BAZ2B: variants seen among roughly 807,000 people sequenced by gnomAD.
BAZ2B encodes bromodomain adjacent to zinc finger domain 2B.
A neutral mutation model predicts 246.0 loss-of-function variants in BAZ2B; 91 were observed. That is an observed-to-expected ratio of 0.37 (90% confidence interval 0.31 to 0.44). BAZ2B has a LOEUF of 0.44. BAZ2B is among the 20% of genes least tolerant of loss of function. The pLI is 1.00. For missense variants in BAZ2B, 2,332 were observed against 2,533.7 expected (o/e 0.92, Z 1.71); for synonymous variants, 855 against 860.0 (o/e 0.99, Z 0.10).
At chr2:159,371,325 C>T (rs745927666) in intron 27 of BAZ2B, among the ~76,000 whole-genome samples, 2 of 151,394 alleles carry the variant, frequency 1.3e-5, no homozygotes, top group Non-Finnish European at 2.9e-5. Flanking sequence ...GTACTTTTTG[C>T]TAGAGACGGG....
At chr2:159,539,484 C>T (rs2086400530) in intron 2 of BAZ2B, among the ~76,000 whole-genome samples, 1 of 152,178 alleles carries the variant, frequency 6.6e-6, no homozygotes, top group Non-Finnish European at 1.5e-5. Flanking sequence ...GTACTAGTGT[C>T]CTCCATAAAA....
intron 1 of BAZ2B, among the ~76,000 whole-genome samples, chr2:159,565,938 C>T (rs1457299651): frequency 6.6e-6 from 1 of 152,000 alleles, no homozygotes; most frequent in Non-Finnish European, 1.5e-5. Context: ...AACAAATAGA[C>T]AATTAGAAAA....
At chr2:159,613,690 C>A (rs896056512) in intron 1 of BAZ2B, among the ~76,000 whole-genome samples, 4 of 152,098 alleles carry the variant, frequency 2.6e-5, no homozygotes, top group Admixed American at 6.5e-5. Context: ...AACTGCTTAT[C>A]CTCTGTTGCT....
chr2:159,403,552 A>G (rs1024801529), intron 16 of BAZ2B, among the ~76,000 whole-genome samples: 1 of 152,184 alleles, frequency 6.6e-6, no homozygotes, highest in Non-Finnish European at 1.5e-5. Flanking sequence ...TGAAATATGA[A>G]CTTATTTTTT....
chr2:159,404,985 T>C (rs775630116), intron 15 of BAZ2B, 37 bp downstream of exon 15: 2 of 1,612,170 alleles, frequency 1.2e-6, no homozygotes, highest in African/African-American at 2.7e-5. Context: ...TCCCCAGTAC[T>C]GACTCTTCGA....
intron 33 of BAZ2B, among the ~76,000 whole-genome samples, chr2:159,333,350 C>T (rs1012022246): frequency 6.6e-6 from 1 of 152,004 alleles, no homozygotes; most frequent in African/African-American, 2.4e-5. Context: ...GTTAAGAGGT[C>T]ATTATTTATT....
At chr2:159,348,984 G>A in intron 29 of BAZ2B, 23 bp downstream of exon 29, 3 of 1,610,606 alleles carry the variant, frequency 1.9e-6, no homozygotes, top group South Asian at 1.1e-5. Context: ...GTAAGTGGCT[G>A]TAAACCATCT....
the BAZ2B span, among the ~76,000 whole-genome samples, chr2:159,627,170 T>A: frequency 1.4e-4 from 22 of 152,268 alleles, no homozygotes; most frequent in Non-Finnish European, 8.8e-5. Flanking sequence ...ATTGAGACAG[T>A]AATTAATATC....
intron 1 of BAZ2B, among the ~76,000 whole-genome samples, chr2:159,572,388 G>A (rs1684242102): frequency 6.6e-6 from 1 of 152,286 alleles, no homozygotes; most frequent in East Asian, 1.9e-4. Context: ...AGTGGGGACA[G>A]TATTATGGGA....
At chr2:159,598,086 C>T (rs190579824) in intron 1 of BAZ2B, among the ~76,000 whole-genome samples, 1 of 151,340 alleles carries the variant, frequency 6.6e-6, no homozygotes, top group African/African-American at 2.4e-5. Flanking sequence ...CTCTGCCTCC[C>T]GGGCTCAAGC....
At chr2:159,462,797 G>A (rs1284491860) in intron 3 of BAZ2B, 1 of 1,426,152 alleles carries the variant, frequency 7.0e-7, no homozygotes, top group Non-Finnish European at 9.9e-7. Flanking sequence ...TGCAATAATA[G>A]TCTGTTGCCC....
At chr2:159,401,365 T>C (rs2065037339) in intron 16 of BAZ2B, among the ~76,000 whole-genome samples, 1 of 152,204 alleles carries the variant, frequency 6.6e-6, no homozygotes, top group South Asian at 2.1e-4. Flanking sequence ...ATTTATTGAA[T>C]GGTCTTGAGC....
the BAZ2B span, among the ~76,000 whole-genome samples, chr2:159,661,224 T>C: frequency 6.6e-6 from 1 of 152,210 alleles, no homozygotes; most frequent in African/African-American, 2.4e-5. Flanking sequence ...GTTGCTTCAC[T>C]TAGAAAAATT....
At chr2:159,589,964 A>C (rs570332485) in intron 1 of BAZ2B, among the ~76,000 whole-genome samples, 3 of 152,056 alleles carry the variant, frequency 2.0e-5, no homozygotes, top group Non-Finnish European at 4.4e-5. Flanking sequence ...AGGCAGGCAG[A>C]TCATTTGAGA....
In BAZ2B at chr2:159,499,162, GCT is replaced by G. The variant is rs1483681606; in HGVS notation, c.-2-20443_-2-20442del. 3.9e-5 allele frequency among the ~76,000 whole-genome samples: 6 copies of G among 152,024 alleles called. No homozygotes were observed. In the East Asian group the frequency reaches 9.7e-4, roughly 24 times the overall value. On this transcript the variant is annotated intron_variant, in intron 2 of 36. Transcript: ENST00000392783. ...ACATCCATTAGCTATTCTTCCTGATGCTCTCTCTCACCCCCGTCCCCGCCACT... is the reference window on the plus strand; with the variant it reads ...ACATCCATTAGCTATTCTTCCTGATGCTCTCTCACCCCCGTCCCCGCCACT...
chr2:159,588,711 T>G (rs953051864), intron 1 of BAZ2B, among the ~76,000 whole-genome samples: 1 of 152,180 alleles, frequency 6.6e-6, no homozygotes, highest in African/African-American at 2.4e-5. Flanking sequence ...GCTCCCTAGG[T>G]GAATAAGCAG....
intron 13 of BAZ2B, among the ~76,000 whole-genome samples, chr2:159,418,677 T>C (rs577133261): frequency 8.7e-4 from 133 of 152,272 alleles, no homozygotes; most frequent in Middle Eastern, 3.4e-3. Context: ...ATTAGCTGAA[T>C]GATTTATTTG....
chr2:159,379,881 T>A (rs2061802846), intron 25 of BAZ2B, among the ~76,000 whole-genome samples: 2 of 152,212 alleles, frequency 1.3e-5, no homozygotes, highest in Non-Finnish European at 2.9e-5. Context: ...AATAGTTAGC[T>A]GCATGTTGTT....
At chr2:159,345,211 CA>C (rs57569261) in intron 31 of BAZ2B, among the ~76,000 whole-genome samples, 40,596 of 138,488 alleles carry the variant, frequency 0.29, 6,189 homozygotes, top group East Asian at 0.6. Context: ...AACTTGGTCT[CA>C]AAAAAAAAAA....
Sources: allele counts gnomAD v4.1 joint callset (sites outside exome capture counted in the v4.1 genomes callset), GRCh38; gene constraint gnomAD v4.1.1; transcripts MANE v1.5; gene names NCBI Gene and HGNC (gene_info 2026-07-23, HGNC 2026-07-21).